NCEH1: variants seen among roughly 807,000 people sequenced by gnomAD.
NCEH1 encodes neutral cholesterol ester hydrolase 1, also known as 2-acetyl MAGE hydrolase.
NCEH1 carries 9 observed loss-of-function variants against 25.4 expected under a neutral mutation model. That is an observed-to-expected ratio of 0.35 (90% CI 0.21 to 0.62). NCEH1 has a LOEUF of 0.62. NCEH1 is among the 20% of genes least tolerant of loss of function. The pLI is 0.72. For synonymous variants in NCEH1, 200 were observed against 199.8 expected (o/e 1.00, Z -0.01); for missense variants, 412 against 501.1 (o/e 0.82, Z 1.70).
At chr3:172,686,537 T>C (rs1000500138) in intron 1 of NCEH1, among the ~76,000 whole-genome samples, 5 of 152,222 alleles carry the variant, frequency 3.3e-5, no homozygotes, top group African/African-American at 1.2e-4. Context: ...TGATTTTGCT[T>C]GCATAAGTTC....
At position 172,660,197 on chromosome 3, in the gene NCEH1, T is replaced by C. The variant is rs191058531; in HGVS notation, c.139-12083A>G. 4.8e-5 allele frequency among the ~76,000 whole-genome samples: 7 copies of C among 146,024 alleles called. No homozygotes were observed. In the East Asian group the frequency reaches 1.6e-3, roughly 32 times the overall value. On this transcript the variant is annotated intron_variant, in intron 1 of 4. Transcript: ENST00000475381. ...GTGTCCAAGTGTGCTCATTGTTCAA[T>C]TCCCATCTATGAGTGAGAACATGCA...
rs999734030 is a variant in NCEH1 at position 172,632,970 on chromosome 3, C to T, written c.*505G>A. On this transcript the variant is annotated 3_prime_UTR_variant, in exon 5 of 5. Transcript: ENST00000475381. ...GCCAAAATTCCCATAGGAAACAAAA[C>T]CATCCATTCACAAAAGACCAGAGGG... 1 of 152,798 alleles carries T rather than the reference C, an allele frequency of 6.5e-6. No individual in the cohort carries two copies. The highest frequency in any genetic ancestry group is 2.4e-5 in the African/African-American group (1 of 41,470). 9.5% of individuals were successfully genotyped at this position (152,798 alleles called of 1,614,324 possible). A position where few individuals can be genotyped will look rare whatever the true frequency, so the allele number is the denominator to read the frequency against.
At chr3:172,675,936 T>TTGTAAATTGGAG (rs1383687664) in intron 1 of NCEH1, among the ~76,000 whole-genome samples, 1 of 152,152 alleles carries the variant, frequency 6.6e-6, no homozygotes, top group Non-Finnish European at 1.5e-5. Context: ...AACGTATCTC[T>TTGTAAATTGGAG]TTTCGCCTAG....
intron 1 of NCEH1, among the ~76,000 whole-genome samples, chr3:172,674,612 G>A (rs1316066526): frequency 6.6e-6 from 1 of 151,976 alleles, no homozygotes; most frequent in Admixed American, 6.6e-5. Context: ...TTATACATGG[G>A]ATTGCATTTG....
chr3:172,696,216 T>C (rs540935259), intron 1 of NCEH1, among the ~76,000 whole-genome samples: 1 of 152,260 alleles, frequency 6.6e-6, no homozygotes, highest in South Asian at 2.1e-4. Flanking sequence ...AGATGTTAAA[T>C]AACTTGCCCA....
At chr3:172,635,796 G>C (rs1273616684) in intron 4 of NCEH1, 120 bp downstream of exon 4, 2 of 807,564 alleles carry the variant, frequency 2.5e-6, no homozygotes, top group Non-Finnish European at 4.0e-6. Context: ...GAACAATTTG[G>C]CCATCTAGTG....
In NCEH1 at chr3:172,640,281, TG is replaced by T. The variant is rs1161169346; in HGVS notation, c.438-4195del. Reference sequence around the variant, plus strand: ...CAAGAAAATCTCAATAGATTCATTTTGGGAACATAAAAGAGTTAATATTCCC... The same window carrying T: ...CAAGAAAATCTCAATAGATTCATTTTGGAACATAAAAGAGTTAATATTCCC... On this transcript the variant is annotated intron_variant, in intron 3 of 4. Transcript: ENST00000475381. Among the ~76,000 whole-genome samples the T allele has an allele frequency of 9.2e-5, 14 of 152,342 alleles. No individual in the cohort carries two copies. In the South Asian group the frequency reaches 2.9e-3, roughly 32 times the overall value.
rs1442396151 is a variant in NCEH1, at chr3:172,668,796, T to C, written c.139-20682A>G. ...AAAACTCTAATTGATACTAGGTAGA[T>C]ATAGAGAATGCACAGACATATATAT... On this transcript the variant is annotated intron_variant, in intron 1 of 4. Coordinates refer to ENST00000475381, the MANE Select transcript of NCEH1 (RefSeq NM_020792.6). Among the ~76,000 whole-genome samples, 9 of 152,278 alleles carry C rather than the reference T, an allele frequency of 5.9e-5. No homozygotes were observed. The South Asian group carries it at 1.2e-3, about 21-fold the overall frequency.
At chr3:172,703,705 G>A (rs1322577472) in intron 1 of NCEH1, among the ~76,000 whole-genome samples, 1 of 151,772 alleles carries the variant, frequency 6.6e-6, no homozygotes, top group Admixed American at 6.6e-5. Context: ...AAATAATGAG[G>A]GTATTTCTAT....
chr3:172,701,903 C>G (rs1713715404), intron 1 of NCEH1, among the ~76,000 whole-genome samples: 1 of 152,192 alleles, frequency 6.6e-6, no homozygotes, highest in Non-Finnish European at 1.5e-5. Context: ...CCTCACCTGA[C>G]TGGTGCTTCC....
chr3:172,684,239 C>T (rs1012650663), intron 1 of NCEH1, among the ~76,000 whole-genome samples: 1 of 149,420 alleles, frequency 6.7e-6, no homozygotes, highest in African/African-American at 2.6e-5. Context: ...AAAGGAATGT[C>T]CGTAATCACT....
intron 1 of NCEH1, among the ~76,000 whole-genome samples, chr3:172,701,994 C>T (rs1276763705): frequency 6.6e-6 from 1 of 152,184 alleles, no homozygotes; most frequent in African/African-American, 2.4e-5. Flanking sequence ...ACACCATCCT[C>T]TCCCACAGAA....
At chr3:172,686,077 C>T (rs548757137) in intron 1 of NCEH1, among the ~76,000 whole-genome samples, 2 of 133,186 alleles carry the variant, frequency 1.5e-5, no homozygotes, top group South Asian at 5.1e-4. Flanking sequence ...TTGAAACACA[C>T]TGACAAGTCC....
At chr3:172,649,631 G>T (rs893165883) in intron 1 of NCEH1, among the ~76,000 whole-genome samples, 3 of 152,204 alleles carry the variant, frequency 2.0e-5, no homozygotes, top group African/African-American at 7.2e-5. Flanking sequence ...ATTACCATTC[G>T]AGTTTTGTGG....
At chr3:172,706,912 TTTTC>T (rs1342409026) in intron 1 of NCEH1, among the ~76,000 whole-genome samples, 1 of 152,246 alleles carries the variant, frequency 6.6e-6, no homozygotes, top group Non-Finnish European at 1.5e-5. Flanking sequence ...TTTTTGTTTT[TTTTC>T]TTTGTCTTAC....
At chr3:172,635,071 G>A (rs1027264567) in intron 4 of NCEH1, among the ~76,000 whole-genome samples, 2 of 152,178 alleles carry the variant, frequency 1.3e-5, no homozygotes, top group African/African-American at 2.4e-5. Flanking sequence ...CCAGGGCCCC[G>A]CAGCACTCAA....
At chr3:172,689,624 C>T (rs375479080) in intron 1 of NCEH1, among the ~76,000 whole-genome samples, 1 of 28 alleles carries the variant, frequency 0.036, no homozygotes, top group Non-Finnish European at 0.05. Context: ...TCGGGTAGAC[C>T]ACCTGAGCGC....
chr3:172,688,634 A>G (rs1180015175), intron 1 of NCEH1, among the ~76,000 whole-genome samples: 4 of 152,216 alleles, frequency 2.6e-5, no homozygotes, highest in African/African-American at 9.6e-5. Context: ...TATTTTTAAT[A>G]TCTTTATATG....
At chr3:172,673,863 G>T (rs1229784852) in intron 1 of NCEH1, among the ~76,000 whole-genome samples, 1 of 152,180 alleles carries the variant, frequency 6.6e-6, no homozygotes, top group South Asian at 2.1e-4. Context: ...CCCTCAGGAC[G>T]GCGACAGTCA....
Sources: gnomAD v4.1 joint callset for allele counts (sites outside exome capture counted in the v4.1 genomes callset) on GRCh38, gnomAD v4.1.1 for gene constraint, MANE v1.5 for transcripts, NCBI Gene and HGNC (gene_info 2026-07-23, HGNC 2026-07-21) for gene names.